CYB5D2: variants seen among roughly 807,000 people sequenced by gnomAD.
CYB5D2 encodes neuferricin.
Under a neutral mutation model 22.8 loss-of-function variants are expected in CYB5D2, and 23 were observed. That is an observed-to-expected ratio of 1.01 (90% CI 0.73 to 1.43). CYB5D2 has a LOEUF of 1.43. Among genes scored for constraint, CYB5D2 ranks in the 40% most tolerant of loss-of-function variants. CYB5D2 has a pLI of 0.00. For synonymous variants in CYB5D2, 170 were observed against 152.2 expected (o/e 1.12, Z -0.86); for missense variants, 373 against 357.2 (o/e 1.04, Z -0.36).
chr17:4,143,804 G>C lies in CYB5D2; in HGVS notation c.49G>C (p.Ala17Pro), dbSNP rs200081662. The change falls in exon 1 of 4, where the codon GCA becomes CCA. Residue 17 changes from alanine to proline, a missense_variant. Ala to Pro is a conservative substitution (Grantham distance 27). Transcript: ENST00000301391. The part of the protein sequence containing the change: ...RGLLLGLAVA[A>P]AAVMAARLMG... ...GCTTTTGTTGGGCCTGGCTGTAGCCGCAGCAGCGGTAATGGCAGCACGGCT... is the reference window on the plus strand; with the variant it reads ...GCTTTTGTTGGGCCTGGCTGTAGCCCCAGCAGCGGTAATGGCAGCACGGCT... 2 of 1,614,118 alleles carry C rather than the reference G, an allele frequency of 1.2e-6. No individual in the cohort carries two copies. Among genetic ancestry groups the C allele is most frequent in the East Asian group, 4.5e-5 (2 of 44,866 alleles).
chr17:4,151,548 A>G (rs979443339), intron 2 of CYB5D2, among the ~76,000 whole-genome samples: 29 of 151,776 alleles, frequency 1.9e-4, no homozygotes, highest in Admixed American at 1.6e-3. Flanking sequence ...TTAGCCGGGC[A>G]TGATGGCAGG....
intron 3 of CYB5D2, among the ~76,000 whole-genome samples, chr17:4,155,337 A>T (rs914300929): frequency 5.9e-5 from 9 of 152,032 alleles, no homozygotes; most frequent in Non-Finnish European, 8.8e-5. Context: ...TGAGGCGGGC[A>T]TGGTGGCTTG....
In CYB5D2 at chr17:4,154,693, C is replaced by T. The variant is rs149324135; in HGVS notation, c.411C>T (p.Phe137=). The T allele has an allele frequency of 1.1e-4, 170 of 1,614,124 alleles. No homozygotes were observed. Among genetic ancestry groups the T allele is most frequent in the African/African-American group, 5.5e-4 (41 of 75,050 alleles). ...YVCVGRVTGR[F]YGEDGLPTPA... Reference sequence around the variant, plus strand: ...TCACAGGGAGGGTGACAGGACGGTTCTACGGAGAGGATGGGCTGCCCACCC... The same window carrying T: ...TCACAGGGAGGGTGACAGGACGGTTTTACGGAGAGGATGGGCTGCCCACCC... The change falls in exon 3 of 4, where the codon TTC becomes TTT. Residue 137 remains phenylalanine (F), a synonymous_variant. Coordinates refer to ENST00000301391, the MANE Select transcript of CYB5D2 (RefSeq NM_144611.4).
chr17:4,144,113 C>T, intron 1 of CYB5D2, 108 bp downstream of exon 1: 1 of 1,429,670 alleles, frequency 7.0e-7, no homozygotes, highest in Non-Finnish European at 9.3e-7. Flanking sequence ...CATCCCCACC[C>T]CACATCCATC....
chr17:4,144,278 G>A (rs530474545), intron 1 of CYB5D2, among the ~76,000 whole-genome samples: 5 of 152,170 alleles, frequency 3.3e-5, no homozygotes, highest in Admixed American at 2.0e-4. Context: ...ATTACCCAGC[G>A]TCGGAAGCCC....
chr17:4,156,727 C>T (rs1032102662), intron 3 of CYB5D2, 139 bp from the exon 4 acceptor site: 8 of 880,862 alleles, frequency 9.1e-6, no homozygotes, highest in South Asian at 1.7e-5. Context: ...AGGGGCTGAG[C>T]GCTGTAGCCT....
chr17:4,152,569 C>G (rs2059069684), intron 2 of CYB5D2, among the ~76,000 whole-genome samples: 2 of 152,190 alleles, frequency 1.3e-5, no homozygotes, highest in Admixed American at 1.3e-4. Flanking sequence ...TCTGTTGCCT[C>G]TGCTACTACT....
intron 2 of CYB5D2, 109 bp from the exon 3 acceptor site, chr17:4,154,565 G>A (rs913194785): frequency 9.4e-6 from 12 of 1,277,676 alleles, no homozygotes; most frequent in South Asian, 7.5e-5. Context: ...CTTATTAAAC[G>A]CGCACCAGCA....
At chr17:4,144,957 G>T (rs2058968898) in intron 1 of CYB5D2, among the ~76,000 whole-genome samples, 1 of 151,948 alleles carries the variant, frequency 6.6e-6, no homozygotes, top group African/African-American at 2.4e-5. Context: ...CGGCTAATTT[G>T]TTGAATTTTT....
rs1409450931 is a variant in CYB5D2, at chr17:4,143,785, G to T, written c.30G>T (p.Leu10Phe). The change falls in exon 1 of 4, where the codon TTG becomes TTT. Residue 10 changes from leucine to phenylalanine, a missense_variant. By Grantham distance (22) the Leu-to-Phe change is conservative. Coordinates refer to ENST00000301391, the MANE Select transcript of CYB5D2 (RefSeq NM_144611.4). Reference sequence around the variant, plus strand: ...TGAGGTGCGGAGGCCGTGGGCTTTTGTTGGGCCTGGCTGTAGCCGCAGCAG... The same window carrying T: ...TGAGGTGCGGAGGCCGTGGGCTTTTTTTGGGCCTGGCTGTAGCCGCAGCAG... The part of the protein sequence containing the change: MLRCGGRGL[L>F]LGLAVAAAAV... 8.7e-6 allele frequency: 14 copies of T among 1,613,870 alleles called. No individual in the cohort carries two copies. Among genetic ancestry groups the T allele is most frequent in the South Asian group, 2.2e-5 (2 of 91,080 alleles).
chr17:4,143,755 G>A lies in CYB5D2; in HGVS notation c.-1G>A, dbSNP rs757459535. On this transcript the variant is annotated 5_prime_UTR_variant, in exon 1 of 4. Transcript: ENST00000301391. Reference sequence around the variant, plus strand: ...AGTGCGGAGCGGGTGGGCCTATATAGATGTTGAGGTGCGGAGGCCGTGGGC... The same window carrying A: ...AGTGCGGAGCGGGTGGGCCTATATAAATGTTGAGGTGCGGAGGCCGTGGGC... 1 of 1,612,998 alleles carries A rather than the reference G, an allele frequency of 6.2e-7. No individual in the cohort carries two copies. The highest frequency in any genetic ancestry group is 8.5e-7 in the Non-Finnish European group (1 of 1,179,682).
In CYB5D2 at chr17:4,156,716, CA is replaced by C. The variant is rs2059115499; in HGVS notation, c.579-149del. ...GATGTTAGGAGAGAGCATGAAGGCT[CA>C]GGGGCTGAGCGCTGTAGCCTGCTGC... is the stretch of plus-strand genomic sequence containing the variant. On this transcript the variant is annotated intron_variant, in intron 3 of 3. Coordinates refer to ENST00000301391, the MANE Select transcript of CYB5D2 (RefSeq NM_144611.4). 5 of 815,186 alleles carry C rather than the reference CA, an allele frequency of 6.1e-6. No homozygotes were observed. The East Asian group carries it at 1.3e-4, about 22-fold the overall frequency. 50.5% of individuals were successfully genotyped at this position (815,186 alleles called of 1,614,324 possible).
Position 4,154,680 on chromosome 17 carries a change from T to C in CYB5D2, c.398T>C (p.Val133Ala), listed in dbSNP as rs2059093391. The C allele has an allele frequency of 6.2e-7, 1 of 1,613,292 alleles. No individual in the cohort carries two copies. Residue 133 changes from valine to alanine, a missense_variant, in exon 3 of 4, where the codon GTG (valine) becomes GCG (alanine). Val to Ala is a moderately conservative substitution (Grantham distance 64, BLOSUM62 0). Transcript: ENST00000301391. Reference protein sequence around the residue: ...YEKNYVCVGRVTGRFYGEDGL... With the variant: ...YEKNYVCVGRATGRFYGEDGL... The stretch of plus-strand genomic sequence containing the variant: ...TGCCTTCCTGTCATCACAGGGAGGG[T>C]GACAGGACGGTTCTACGGAGAGGAT...
intron 2 of CYB5D2, among the ~76,000 whole-genome samples, chr17:4,153,530 T>C (rs763979539): frequency 3.9e-5 from 6 of 152,200 alleles, no homozygotes; most frequent in Non-Finnish European, 5.9e-5. Flanking sequence ...TAATCAGGCA[T>C]CGGAGAGCCA....
At chr17:4,149,782 G>T in intron 1 of CYB5D2, 109 bp from the exon 2 acceptor site, 1 of 1,390,850 alleles carries the variant, frequency 7.2e-7, no homozygotes. Flanking sequence ...CTGGGCAACA[G>T]AGTGCGACTC....
chr17:4,145,305 C>G (rs750300817), intron 1 of CYB5D2, among the ~76,000 whole-genome samples: 4 of 152,144 alleles, frequency 2.6e-5, no homozygotes, highest in Non-Finnish European at 5.9e-5. Context: ...TAAAGAAATA[C>G]AAAAGTTGAC....
rs201650288 is a variant in CYB5D2 at position 4,143,917 on chromosome 17, C to T, written c.162C>T (p.Gly54=). The change falls in exon 1 of 4, where the codon GGC becomes GGT. Residue 54 remains glycine (G), a synonymous_variant. Coordinates refer to ENST00000301391, the MANE Select transcript of CYB5D2 (RefSeq NM_144611.4). ...ACCGCGGCGGCCCAGGGGACCCGGG[C>T]CTGTACTTGGCGTTGCTCGGCCGTG... ...SRYRGGPGDP[G]LYLALLGRVY... is the part of the protein sequence containing the mutation. 16 of 1,613,812 alleles carry T rather than the reference C, an allele frequency of 9.9e-6. No individual in the cohort carries two copies. In the East Asian group the frequency reaches 2.7e-4, roughly 27 times the overall value.
At chr17:4,147,944 A>G (rs1302635276) in intron 1 of CYB5D2, among the ~76,000 whole-genome samples, 1 of 152,242 alleles carries the variant, frequency 6.6e-6, no homozygotes, top group African/African-American at 2.4e-5. Flanking sequence ...GGACATTCTC[A>G]TAGAACAGAG....
chr17:4,156,962 C>G lies in CYB5D2; in HGVS notation c.675C>G (p.Pro225=). 1 of 1,612,844 alleles carries G rather than the reference C, an allele frequency of 6.2e-7. No individual in the cohort carries two copies. Among genetic ancestry groups the G allele is most frequent in the Non-Finnish European group, 8.5e-7 (1 of 1,180,032 alleles). ...GCGTGTGTGTGAGAACCACCGGCCC[C>G]CCTAGTGGCCAGATGCCGGACAACC... The part of the protein sequence containing the change: ...PRCVCVRTTG[P]PSGQMPDNPP... The change falls in exon 4 of 4, where the codon CCC becomes CCG. Residue 225 remains proline, a synonymous_variant. Coordinates refer to ENST00000301391, the MANE Select transcript of CYB5D2 (RefSeq NM_144611.4).
Sources: gnomAD v4.1 joint callset for allele counts (sites outside exome capture counted in the v4.1 genomes callset) on GRCh38, gnomAD v4.1.1 for gene constraint, MANE v1.5 for transcripts, NCBI Gene and HGNC (gene_info 2026-07-23, HGNC 2026-07-21) for gene names.